Variants in PPP4R3A observed in about 807,000 individuals in gnomAD.
PPP4R3A encodes protein phosphatase 4 regulatory subunit 3A, also known as serine/threonine-protein phosphatase 4 regulatory subunit 3A.
A neutral mutation model predicts 91.7 loss-of-function variants in PPP4R3A; 15 were observed. The ratio of observed to expected loss-of-function variants is 0.16; its 90% CI spans 0.11 to 0.25. PPP4R3A has a LOEUF of 0.25. Among genes scored for constraint, PPP4R3A ranks in the 10% least tolerant of loss-of-function variants. The pLI, the probability that PPP4R3A is intolerant of heterozygous loss-of-function variation, is 1.00. For synonymous variants in PPP4R3A, 377 were observed against 348.7 expected (o/e 1.08, Z -0.91); for missense variants, 623 against 998.4 (o/e 0.62, Z 5.07).
At chr14:91,459,604 A>C (rs1000720694) in intron 14 of PPP4R3A, among the ~76,000 whole-genome samples, 2 of 152,028 alleles carry the variant, frequency 1.3e-5, no homozygotes, top group African/African-American at 4.8e-5. Context: ...AGGCGGAGGG[A>C]TCACATGAGG....
chr14:91,487,381 A>G (rs1181667421), intron 2 of PPP4R3A, among the ~76,000 whole-genome samples: 2 of 152,176 alleles, frequency 1.3e-5, no homozygotes, highest in African/African-American at 4.8e-5. Flanking sequence ...ATCATCTCAT[A>G]CAAGAAATAC....
intron 2 of PPP4R3A, among the ~76,000 whole-genome samples, chr14:91,489,477 A>G (rs1890104018): frequency 6.6e-6 from 1 of 152,230 alleles, no homozygotes; most frequent in Admixed American, 6.5e-5. Context: ...TAGCAAGTTT[A>G]TAAAATTTTA....
At chr14:91,460,295 A>G (rs1888048425) in intron 14 of PPP4R3A, among the ~76,000 whole-genome samples, 1 of 152,004 alleles carries the variant, frequency 6.6e-6, no homozygotes, top group Non-Finnish European at 1.5e-5. Context: ...TTACGGGCGT[A>G]AGCCACCGCG....
intron 1 of PPP4R3A, among the ~76,000 whole-genome samples, chr14:91,501,783 C>A (rs8017764): frequency 0.49 from 73,343 of 149,864 alleles, 18,277 homozygotes; most frequent in Admixed American, 0.53. Flanking sequence ...TGGCTCACTG[C>A]AAGCTCCGCC....
intron 10 of PPP4R3A, among the ~76,000 whole-genome samples, chr14:91,466,940 A>AACACACACACACACACACACACACAC (rs10525073): frequency 2.8e-4 from 42 of 147,574 alleles, no homozygotes; most frequent in South Asian, 2.4e-3. Context: ...GTCCTACCAT[A>AACACACACACACACACACACACACAC]ACACACACAC....
chr14:91,495,312 G>GTGTGTGTGTGTGTGTGTGTA (rs1890475479), intron 1 of PPP4R3A, among the ~76,000 whole-genome samples: 1 of 146,578 alleles, frequency 6.8e-6, no homozygotes, highest in African/African-American at 2.5e-5. Context: ...ATGTGTGTGT[G>GTGTGTGTGTGTGTGTGTGTA]TGTGTGTGTG....
chr14:91,465,888 TTTTA>T lies in PPP4R3A; in HGVS notation c.1661-473_1661-470del, dbSNP rs1484774039. ...TTATTTTGCATTGTAGTTCATGGAA[TTTTA>T]TTTATTTGTGGATGTGGCTGTAGAA... On this transcript the variant is annotated intron_variant, in intron 10 of 14. Coordinates refer to ENST00000554943, the MANE Select transcript of PPP4R3A (RefSeq NM_001366432.2). Among the ~76,000 whole-genome samples the T allele has an allele frequency of 5.8e-4, 88 of 152,344 alleles. 1 individual carries two copies. The highest frequency in any genetic ancestry group is 1.9e-3 in the African/African-American group (79 of 41,574).
In PPP4R3A at chr14:91,465,502, C is replaced by CA. The variant is rs1057458964; in HGVS notation, c.1661-84dup. 147 of 1,279,506 alleles carry CA rather than the reference C, an allele frequency of 1.1e-4. No homozygotes were observed. The East Asian group carries it at 1.3e-3, about 12-fold the overall frequency. The allele number at this position is 1,279,506 out of a possible 1,614,324, so 79.3% of individuals were successfully genotyped here. ...TACCAAACAAAAATAACCATCAAAC[C>CA]AAAAAAAACTGTTTAACACATATCA... On this transcript the variant is annotated intron_variant, in intron 10 of 14. Transcript: ENST00000554943.
In PPP4R3A at chr14:91,469,377, A is replaced by T. The variant is rs575603451; in HGVS notation, c.1660+1460T>A. Among the ~76,000 whole-genome samples the T allele has an allele frequency of 1.0e-3, 155 of 152,224 alleles. 1 individual carries two copies. The highest frequency in any genetic ancestry group is 3.6e-3 in the African/African-American group (150 of 41,540). On this transcript the variant is annotated intron_variant, in intron 10 of 14. Coordinates refer to ENST00000554943, the MANE Select transcript of PPP4R3A (RefSeq NM_001366432.2). ...ATTCTGCTCTCAAATCCCCTTTTCC[A>T]CACTTGAACAAAACTCTATTGTCAA...
intron 1 of PPP4R3A, among the ~76,000 whole-genome samples, chr14:91,500,488 C>A (rs574691007): frequency 6.6e-6 from 1 of 152,236 alleles, no homozygotes; most frequent in African/African-American, 2.4e-5. Context: ...GCTGAGCCAC[C>A]GCGCCTGGCC....
rs1888800562 is a variant in PPP4R3A at position 91,496,061 on chromosome 14, A to G, written c.143-5259T>C. Among the ~76,000 whole-genome samples the G allele has an allele frequency of 1.3e-5, 2 of 152,222 alleles. 1 individual carries two copies. The highest frequency in any genetic ancestry group is 2.9e-5 in the Non-Finnish European group (2 of 68,048). ...GATATTTTACAAACCTGAGTAAAAG[A>G]CAGCTGAGACAAAGGTATAAACCAT... On this transcript the variant is annotated intron_variant, in intron 1 of 14. Coordinates refer to ENST00000554943, the MANE Select transcript of PPP4R3A (RefSeq NM_001366432.2).
At chr14:91,499,243 C>T (rs369476197) in intron 1 of PPP4R3A, among the ~76,000 whole-genome samples, 4 of 150,838 alleles carry the variant, frequency 2.7e-5, no homozygotes, top group South Asian at 2.1e-4. Context: ...CCAGCCTGGG[C>T]GACAGAGCGA....
At chr14:91,507,452 TATATATACTATAATTATATATACTATA>T (rs1891430683) in intron 1 of PPP4R3A, among the ~76,000 whole-genome samples, 1 of 79,080 alleles carries the variant, frequency 1.3e-5, no homozygotes, top group East Asian at 4.3e-4. Context: ...TACTATATAG[TATATATACTATAATTATATATACTATA>T]GTTATATATA....
rs576400238 is a variant in PPP4R3A, at chr14:91,464,670, A to G, written c.1830+580T>C. 9.2e-5 allele frequency among the ~76,000 whole-genome samples: 14 copies of G among 152,324 alleles called. No homozygotes were observed. In the East Asian group the frequency reaches 2.3e-3, roughly 25 times the overall value. ...TAGCTTATTACATTACTAGAGAATAAAGAGTATTATGAAATTGGTCTTTAG... is the reference window on the plus strand; with the variant it reads ...TAGCTTATTACATTACTAGAGAATAGAGAGTATTATGAAATTGGTCTTTAG... On this transcript the variant is annotated intron_variant, in intron 11 of 14. Transcript: ENST00000554943.
intron 10 of PPP4R3A, 94 bp from the exon 11 acceptor site, chr14:91,465,513 G>GT: frequency 9.3e-7 from 1 of 1,073,416 alleles, no homozygotes; most frequent in Non-Finnish European, 1.3e-6. Context: ...AAAAAAAACT[G>GT]TTTAACACAT....
rs1204047798 is a variant in PPP4R3A, at chr14:91,458,346, A to G, written c.*413T>C. 1 of 237,616 alleles carries G rather than the reference A, an allele frequency of 4.2e-6. No individual in the cohort carries two copies. The highest frequency in any genetic ancestry group is 2.3e-5 in the African/African-American group (1 of 43,978). The allele number at this position is 237,616 out of a possible 1,614,324, so 14.7% of individuals were successfully genotyped here. ...AAGGCAGGTCTCTTTATACAAAGAA[A>G]CTGCTGGCATTCTTGACTAGTGAAG... On this transcript the variant is annotated 3_prime_UTR_variant, in exon 15 of 15. Transcript: ENST00000554943.
chr14:91,459,786 G>A (rs1435621035), intron 14 of PPP4R3A, among the ~76,000 whole-genome samples: 2 of 150,786 alleles, frequency 1.3e-5, no homozygotes, highest in African/African-American at 2.4e-5. Context: ...AGTGAGCTAA[G>A]ATCACGCCAC....
chr14:91,508,096 T>C (rs552543152), intron 1 of PPP4R3A, among the ~76,000 whole-genome samples: 1 of 152,344 alleles, frequency 6.6e-6, no homozygotes, highest in Admixed American at 6.5e-5. Flanking sequence ...GGTTATTATG[T>C]GAGTCACATA....
chr14:91,496,063 A>G (rs1890549049), intron 1 of PPP4R3A, among the ~76,000 whole-genome samples: 1 of 152,224 alleles, frequency 6.6e-6, no homozygotes, highest in Non-Finnish European at 1.5e-5. Context: ...AGTAAAAGAC[A>G]GCTGAGACAA....
Sources: gnomAD v4.1 joint callset for allele counts (sites outside exome capture counted in the v4.1 genomes callset) on GRCh38, gnomAD v4.1.1 for gene constraint, MANE v1.5 for transcripts, NCBI Gene and HGNC (gene_info 2026-07-23, HGNC 2026-07-21) for gene names.